The following ENOX1 variants were observed in gnomAD, a reference collection of about 807,000 sequenced individuals.
The protein encoded by ENOX1 is candidate growth-related and time keeping constitutive hydroquinone (NADH) oxidase.
ENOX1 carries 42 observed loss-of-function variants against 82.5 expected under a neutral mutation model. That is an observed-to-expected ratio of 0.51 (90% CI 0.40 to 0.66). The LOEUF (loss-of-function observed/expected upper bound fraction) is 0.66, where lower values mean the gene tolerates loss of function less well. Ranked by LOEUF, ENOX1 falls within the 30% of genes least tolerant of loss-of-function variation. ENOX1 has a pLI of 0.00. For missense variants in ENOX1, 608 were observed against 811.6 expected (o/e 0.75, Z 3.05); for synonymous variants, 271 against 282.2 (o/e 0.96, Z 0.40).
At chr13:43,416,767 T>G (rs2054613551) in intron 3 of ENOX1, among the ~76,000 whole-genome samples, 3 of 138,324 alleles carry the variant, frequency 2.2e-5, no homozygotes, top group Non-Finnish European at 3.1e-5. Context: ...TCCCAGACAA[T>G]GGGCAGCCAG....
At chr13:43,325,696 TA>T (rs201061242) in intron 10 of ENOX1, among the ~76,000 whole-genome samples, 1 of 151,938 alleles carries the variant, frequency 6.6e-6, no homozygotes, top group Non-Finnish European at 1.5e-5. Context: ...ATTCTTTCAT[TA>T]AAAAAAAGAA....
intron 1 of ENOX1, among the ~76,000 whole-genome samples, chr13:43,782,914 CT>C (rs1952356747): frequency 2.0e-5 from 3 of 152,232 alleles, no homozygotes; most frequent in Admixed American, 2.0e-4. Context: ...TAGGTAACAC[CT>C]TTGGCAAGAT....
At chr13:43,619,800 C>T (rs148400888) in intron 2 of ENOX1, among the ~76,000 whole-genome samples, 4,821 of 152,096 alleles carry the variant, frequency 0.032, 243 homozygotes, top group African/African-American at 0.11. Flanking sequence ...CTTTCTCTAT[C>T]TTGTGAAATA....
chr13:43,398,523 T>C (rs1199610442), intron 5 of ENOX1, among the ~76,000 whole-genome samples: 1 of 152,168 alleles, frequency 6.6e-6, no homozygotes, highest in Non-Finnish European at 1.5e-5. Context: ...AATACTCTAA[T>C]GTAATTGACT....
intron 16 of ENOX1, among the ~76,000 whole-genome samples, chr13:43,218,493 G>T (rs1168141361): frequency 1.3e-5 from 2 of 152,120 alleles, no homozygotes; most frequent in East Asian, 3.9e-4. Flanking sequence ...CGATATGGTG[G>T]CATGTCCCTG....
chr13:43,316,850 AAGC>A (rs2047524520), intron 11 of ENOX1, among the ~76,000 whole-genome samples: 1 of 152,090 alleles, frequency 6.6e-6, no homozygotes, highest in Non-Finnish European at 1.5e-5. Context: ...TTTAGGAAGA[AAGC>A]AGGCTACTCA....
chr13:43,430,268 C>A (rs1367808541), intron 3 of ENOX1, among the ~76,000 whole-genome samples: 1 of 152,142 alleles, frequency 6.6e-6, no homozygotes, highest in Admixed American at 6.6e-5. Context: ...ACAAAACAAA[C>A]AACTGATCAG....
chr13:43,352,524 A>G (rs1339127525), intron 8 of ENOX1, among the ~76,000 whole-genome samples: 1 of 152,202 alleles, frequency 6.6e-6, no homozygotes, highest in Non-Finnish European at 1.5e-5. Flanking sequence ...CACTGTTTCC[A>G]ATAAAGTGTA....
At chr13:43,527,273 C>A (rs1009264964) in intron 2 of ENOX1, among the ~76,000 whole-genome samples, 4 of 152,006 alleles carry the variant, frequency 2.6e-5, no homozygotes, top group African/African-American at 9.7e-5. Flanking sequence ...ATTTAAAAAC[C>A]ATTAGCTAGA....
At chr13:43,468,790 A>G (rs1427431391) in intron 3 of ENOX1, among the ~76,000 whole-genome samples, 2 of 152,138 alleles carry the variant, frequency 1.3e-5, no homozygotes, top group African/African-American at 4.8e-5. Flanking sequence ...TCTTTCAATG[A>G]TGCTTTGCAG....
intron 14 of ENOX1, among the ~76,000 whole-genome samples, chr13:43,237,504 G>A (rs2042606582): frequency 6.6e-6 from 1 of 152,180 alleles, no homozygotes; most frequent in Non-Finnish European, 1.5e-5. Flanking sequence ...AATCATTAGG[G>A]AAGTTGAGTC....
intron 2 of ENOX1, among the ~76,000 whole-genome samples, chr13:43,557,630 T>C (rs1318313050): frequency 6.6e-6 from 1 of 152,060 alleles, no homozygotes; most frequent in East Asian, 1.9e-4. Flanking sequence ...ACCGTATAAG[T>C]AGTTGAGCTG....
In ENOX1 at chr13:43,592,026, C is replaced by G. The variant is rs1048125077; in HGVS notation, c.-219+75453G>C. 5.1e-4 allele frequency among the ~76,000 whole-genome samples: 77 copies of G among 151,890 alleles called. 1 individual carries two copies. Among genetic ancestry groups the G allele is most frequent in the African/African-American group, 1.8e-3 (73 of 41,252 alleles). ...CCAGCCTGTGGACCACTTACAAGAG[C>G]ATCCCAGAGCCCCTCTAGAGGGCCA... On this transcript the variant is annotated intron_variant, in intron 2 of 16. Transcript: ENST00000690772.
intron 12 of ENOX1, among the ~76,000 whole-genome samples, chr13:43,275,833 AAGTC>A (rs1363116523): frequency 6.6e-6 from 1 of 152,158 alleles, no homozygotes; most frequent in South Asian, 2.1e-4. Context: ...CATGATAACT[AAGTC>A]AGGACAATAC....
At chr13:43,346,890 A>C (rs550162455) in intron 8 of ENOX1, among the ~76,000 whole-genome samples, 2 of 152,318 alleles carry the variant, frequency 1.3e-5, no homozygotes, top group African/African-American at 4.8e-5. Flanking sequence ...TTTCCTCTGA[A>C]AAGATAACAA....
chr13:43,571,903 T>C (rs1443613093), intron 2 of ENOX1, among the ~76,000 whole-genome samples: 1 of 151,300 alleles, frequency 6.6e-6, no homozygotes, highest in African/African-American at 2.4e-5. Flanking sequence ...GCGGTGGGGG[T>C]GGTGCATGCG....
At chr13:43,317,137 G>C (rs1329581957) in intron 11 of ENOX1, among the ~76,000 whole-genome samples, 1 of 152,200 alleles carries the variant, frequency 6.6e-6, no homozygotes, top group Non-Finnish European at 1.5e-5. Flanking sequence ...TCAGATCCTG[G>C]CATGTGGCCT....
chr13:43,385,222 ACT>A (rs143672886), intron 5 of ENOX1, among the ~76,000 whole-genome samples: 240 of 152,248 alleles, frequency 1.6e-3, no homozygotes, highest in African/African-American at 5.5e-3. Context: ...TCAATAAATA[ACT>A]CTTAGAATAC....
At chr13:43,660,276 C>T (rs539950158) in intron 2 of ENOX1, among the ~76,000 whole-genome samples, 7 of 152,322 alleles carry the variant, frequency 4.6e-5, no homozygotes, top group Non-Finnish European at 1.5e-5. Flanking sequence ...TTTCTTTGCT[C>T]TCATCGGTGT....
Sources: gnomAD v4.1 joint callset for allele counts (sites outside exome capture counted in the v4.1 genomes callset) on GRCh38, gnomAD v4.1.1 for gene constraint, MANE v1.5 for transcripts, NCBI Gene and HGNC (gene_info 2026-07-23, HGNC 2026-07-21) for gene names.